The following BMPR1B variants were observed in gnomAD, a reference collection of about 807,000 sequenced individuals.
The protein encoded by BMPR1B is bone morphogenetic protein receptor type-1B.
In BMPR1B, 12 loss-of-function variants were observed where a neutral mutation model predicts 59.1. The observed-to-expected ratio is 0.20, with a 90% confidence interval of 0.13 to 0.33. BMPR1B has a LOEUF of 0.33. Ranked by LOEUF, BMPR1B falls within the 10% of genes least tolerant of loss-of-function variation. The probability of loss-of-function intolerance (pLI) is 1.00; values close to 1 mark genes in which losing one functional copy is unlikely to be tolerated. For missense variants in BMPR1B, 550 were observed against 610.9 expected (o/e 0.90, Z 1.05); for synonymous variants, 237 against 207.3 (o/e 1.14, Z -1.23).
At chr4:95,080,751 C>T (rs1444556894) in intron 3 of BMPR1B, among the ~76,000 whole-genome samples, 2 of 152,092 alleles carry the variant, frequency 1.3e-5, no homozygotes, top group Non-Finnish European at 2.9e-5. Context: ...TGAAAACAAC[C>T]AACCAAACCA....
At chr4:94,793,337 G>T (rs1578649861) in intron 1 of BMPR1B, among the ~76,000 whole-genome samples, 1 of 151,778 alleles carries the variant, frequency 6.6e-6, no homozygotes, top group South Asian at 2.1e-4. Context: ...TCCCTACAAA[G>T]GACATGAACT....
chr4:94,784,110 G>A (rs1490011508), intron 1 of BMPR1B, among the ~76,000 whole-genome samples: 1 of 152,134 alleles, frequency 6.6e-6, no homozygotes, highest in Non-Finnish European at 1.5e-5. Flanking sequence ...GACTTTAAGT[G>A]TTTTCTTAGT....
chr4:94,990,785 C>T (rs893870411), intron 2 of BMPR1B, among the ~76,000 whole-genome samples: 4 of 152,120 alleles, frequency 2.6e-5, no homozygotes, highest in African/African-American at 9.7e-5. Context: ...TGTTGGTGTG[C>T]TGTACCCATC....
In BMPR1B at chr4:94,940,245, A is replaced by G. The variant is rs182524738; in HGVS notation, c.-112-55795A>G. On this transcript the variant is annotated intron_variant, in intron 2 of 12. Transcript: ENST00000515059. ...GTGGCCCACAGGCAGCATGCAGCCC[A>G]GGACAGCTTTGAATGCGGCCCAACA... Among the ~76,000 whole-genome samples the G allele has an allele frequency of 4.9e-4, 74 of 152,354 alleles. No homozygotes were observed. The East Asian group carries it at 0.012, about 25-fold the overall frequency.
chr4:95,046,221 A>G (rs962441147), intron 3 of BMPR1B, among the ~76,000 whole-genome samples: 1 of 152,126 alleles, frequency 6.6e-6, no homozygotes, highest in Non-Finnish European at 1.5e-5. Context: ...CTTTAATTGA[A>G]TTTTTAAAAT....
At chr4:95,059,240 G>A (rs1056116759) in intron 3 of BMPR1B, among the ~76,000 whole-genome samples, 1 of 152,136 alleles carries the variant, frequency 6.6e-6, no homozygotes, top group African/African-American at 2.4e-5. Flanking sequence ...AAGGGTAGAT[G>A]CCACTTAAGT....
chr4:94,936,568 GA>G (rs1400661927), intron 2 of BMPR1B, among the ~76,000 whole-genome samples: 6 of 152,150 alleles, frequency 3.9e-5, no homozygotes, highest in African/African-American at 1.4e-4. Flanking sequence ...CGTAGTGTTT[GA>G]AAGACATTGG....
chr4:94,790,970 C>T (rs750653421), intron 1 of BMPR1B, among the ~76,000 whole-genome samples: 4 of 152,028 alleles, frequency 2.6e-5, no homozygotes, highest in Non-Finnish European at 5.9e-5. Context: ...TGAAATTAAC[C>T]TTACCAAGTA....
intron 1 of BMPR1B, among the ~76,000 whole-genome samples, chr4:94,791,471 G>A (rs183051671): frequency 6.6e-5 from 10 of 152,224 alleles, no homozygotes; most frequent in African/African-American, 2.2e-4. Context: ...GAAAAGTTAT[G>A]TCTCAGTTAT....
intron 2 of BMPR1B, among the ~76,000 whole-genome samples, chr4:94,895,968 T>A (rs1727570520): frequency 6.6e-6 from 1 of 152,004 alleles, no homozygotes; most frequent in South Asian, 2.1e-4. Context: ...ACATATATAT[T>A]TAATACACTT....
At chr4:95,035,879 C>A (rs898603473) in intron 3 of BMPR1B, among the ~76,000 whole-genome samples, 4 of 152,150 alleles carry the variant, frequency 2.6e-5, no homozygotes, top group Non-Finnish European at 5.9e-5. Context: ...GCAATATGGT[C>A]ATTTTCACAA....
intron 3 of BMPR1B, among the ~76,000 whole-genome samples, chr4:95,052,619 T>C (rs1432105945): frequency 6.6e-6 from 1 of 152,180 alleles, no homozygotes; most frequent in African/African-American, 2.4e-5. Context: ...CTGTACTGTT[T>C]ATCAGAAGAG....
intron 3 of BMPR1B, chr4:95,091,749 T>A (rs1730006775): frequency 1.2e-6 from 1 of 848,990 alleles, no homozygotes; most frequent in Non-Finnish European, 1.4e-6. Context: ...TTAGCCTTTT[T>A]TGGCATAGAT....
chr4:95,072,621 A>G (rs1728394675), intron 3 of BMPR1B, among the ~76,000 whole-genome samples: 1 of 152,198 alleles, frequency 6.6e-6, no homozygotes, highest in Admixed American at 6.5e-5. Flanking sequence ...ATTGAAACTA[A>G]CTATATGGGA....
chr4:94,902,317 G>A (rs553143159), intron 2 of BMPR1B, among the ~76,000 whole-genome samples: 2 of 130,660 alleles, frequency 1.5e-5, no homozygotes, highest in South Asian at 4.9e-4. Context: ...AAACAAACTG[G>A]AAATAATTCA....
chr4:95,000,391 T>C (rs1465866824), intron 3 of BMPR1B, among the ~76,000 whole-genome samples: 1 of 151,930 alleles, frequency 6.6e-6, no homozygotes, highest in Non-Finnish European at 1.5e-5. Flanking sequence ...TTAAAAAATA[T>C]GTGGAGTGGG....
intron 2 of BMPR1B, among the ~76,000 whole-genome samples, chr4:94,983,499 T>A (rs1578880723): frequency 1.3e-5 from 2 of 152,188 alleles, no homozygotes; most frequent in South Asian, 2.1e-4. Context: ...AAATCACATT[T>A]AAAAAATTTG....
intron 6 of BMPR1B, among the ~76,000 whole-genome samples, chr4:95,121,101 C>G (rs1732491744): frequency 6.6e-6 from 1 of 152,182 alleles, no homozygotes; most frequent in Admixed American, 6.5e-5. Context: ...AGCCACTGTG[C>G]CCAGCCAGTC....
At chr4:95,002,499 G>A (rs1236534903) in intron 3 of BMPR1B, among the ~76,000 whole-genome samples, 1 of 152,134 alleles carries the variant, frequency 6.6e-6, no homozygotes, top group Non-Finnish European at 1.5e-5. Flanking sequence ...CCCAGCAATG[G>A]GATTCACTGG....
Sources: allele counts gnomAD v4.1 joint callset (sites outside exome capture counted in the v4.1 genomes callset), GRCh38; gene constraint gnomAD v4.1.1; transcripts MANE v1.5; gene names NCBI Gene and HGNC (gene_info 2026-07-23, HGNC 2026-07-21).